The following BID variants were observed in gnomAD, a reference collection of about 807,000 sequenced individuals.
BID encodes the protein BH3 interacting domain death agonist, also known as BH3-interacting domain death agonist.
Under a neutral mutation model 17.4 loss-of-function variants are expected in BID, and 19 were observed. The ratio of observed to expected loss-of-function variants is 1.09; its 90% CI spans 0.76 to 1.60. The LOEUF (loss-of-function observed/expected upper bound fraction) is 1.60, where lower values mean the gene tolerates loss of function less well. Among genes scored for constraint, BID ranks in the 40% most tolerant of loss-of-function variants. The probability of loss-of-function intolerance (pLI) is 0.00; values close to 1 mark genes in which losing one functional copy is unlikely to be tolerated. For synonymous variants in BID, 108 were observed against 102.8 expected (o/e 1.05, Z -0.31); for missense variants, 226 against 256.0 (o/e 0.88, Z 0.80).
intron 1 of BID, among the ~76,000 whole-genome samples, chr22:17,759,231 A>C (rs1008437861): frequency 1.6e-5 from 2 of 123,416 alleles, no homozygotes; most frequent in African/African-American, 7.0e-5. Flanking sequence ...CTCCGTCTCA[A>C]AACAAAAAAC....
intron 1 of BID, among the ~76,000 whole-genome samples, chr22:17,768,656 G>A (rs1257482275): frequency 1.3e-5 from 2 of 152,156 alleles, no homozygotes; most frequent in Non-Finnish European, 2.9e-5. Context: ...GGTGGATCAC[G>A]AGGTCAGGAG....
At chr22:17,745,296 G>A (rs1002694746) in intron 2 of BID, among the ~76,000 whole-genome samples, 6 of 151,794 alleles carry the variant, frequency 4.0e-5, no homozygotes, top group African/African-American at 1.2e-4. Context: ...TGATCCGCCC[G>A]CCCCCCAACT....
intron 2 of BID, among the ~76,000 whole-genome samples, chr22:17,744,727 C>T (rs1012792937): frequency 2.0e-5 from 3 of 152,112 alleles, no homozygotes; most frequent in South Asian, 4.1e-4. Context: ...GCATCTGTGC[C>T]GCCAGAGATG....
chr22:17,762,278 C>A (rs969236791), intron 1 of BID, among the ~76,000 whole-genome samples: 1 of 152,152 alleles, frequency 6.6e-6, no homozygotes. Context: ...GGGTGGATCA[C>A]CTGAGGTCAG....
At chr22:17,747,702 C>T (rs150625275) in intron 2 of BID, among the ~76,000 whole-genome samples, 1 of 152,270 alleles carries the variant, frequency 6.6e-6, no homozygotes, top group East Asian at 1.9e-4. Context: ...GAGAAACGAT[C>T]AAGACAGTAA....
At chr22:17,761,432 T>G (rs1302353123) in intron 1 of BID, among the ~76,000 whole-genome samples, 41 of 71,816 alleles carry the variant, frequency 5.7e-4, no homozygotes, top group Non-Finnish European at 1.1e-3. Flanking sequence ...TCTTTCACTT[T>G]TTTTTTTTTT....
Position 17,761,915 on chromosome 22 carries a change from C to A in BID, c.-58-11741G>T, listed in dbSNP as rs1332628820. Among the ~76,000 whole-genome samples the A allele has an allele frequency of 1.8e-4, 27 of 152,096 alleles. No individual in the cohort carries two copies. The East Asian group carries it at 4.6e-3, about 26-fold the overall frequency. ...TCACTATGTTTTTTGTCATTTTTAC[C>A]ATATTCTGGAAAACACTGGTAAATC... On this transcript the variant is annotated intron_variant, in intron 1 of 5. Transcript: ENST00000622694.
At chr22:17,738,593 G>A (rs942590771) in intron 4 of BID, among the ~76,000 whole-genome samples, 3 of 152,144 alleles carry the variant, frequency 2.0e-5, no homozygotes, top group African/African-American at 7.2e-5. Context: ...TGGACAGGAG[G>A]AAGGGGGTTC....
At chr22:17,763,297 G>A (rs1010028871) in intron 1 of BID, among the ~76,000 whole-genome samples, 1 of 150,662 alleles carries the variant, frequency 6.6e-6, no homozygotes, top group Non-Finnish European at 1.5e-5. Context: ...AGGCTGGAGT[G>A]CAGTGGCACA....
intron 1 of BID, among the ~76,000 whole-genome samples, chr22:17,757,177 G>A (rs2061597322): frequency 6.6e-6 from 1 of 152,032 alleles, no homozygotes; most frequent in African/African-American, 2.4e-5. Context: ...CACTTTGGGA[G>A]GCCAGGGCAG....
chr22:17,738,308 G>T, intron 4 of BID, 79 bp from the exon 5 acceptor site: 1 of 1,329,350 alleles, frequency 7.5e-7, no homozygotes, highest in Non-Finnish European at 1.1e-6. Flanking sequence ...GTATGAAGAA[G>T]CACTTCAAAG....
chr22:17,754,495 C>T (rs2145898955), intron 1 of BID, among the ~76,000 whole-genome samples: 1 of 152,364 alleles, frequency 6.6e-6, no homozygotes, highest in East Asian at 1.9e-4. Context: ...CAGATGCCAG[C>T]TTTGCTTCTG....
At chr22:17,747,981 CG>C (rs1569042497) in intron 2 of BID, among the ~76,000 whole-genome samples, 1 of 151,728 alleles carries the variant, frequency 6.6e-6, no homozygotes, top group African/African-American at 2.4e-5. Flanking sequence ...GAGGCCGAGG[CG>C]GGCAGATCGC....
At chr22:17,740,140 T>C in intron 3 of BID, 1 of 1,612,356 alleles carries the variant, frequency 6.2e-7, no homozygotes, top group Admixed American at 1.7e-5. Context: ...CGCCTCCGTT[T>C]CTTCCTCAGC....
chr22:17,735,701 T>TCTCCA lies in BID; in HGVS notation c.577-115_577-111dup, dbSNP rs8190352. 1.2e-3 allele frequency: 1,537 copies of TCTCCA among 1,327,212 alleles called. 21 individuals are homozygous for TCTCCA. In the African/African-American group the frequency reaches 0.021, roughly 18 times the overall value. The allele number at this position is 1,327,212 out of a possible 1,614,324, so 82.2% of individuals were successfully genotyped here. A position where few individuals can be genotyped will look rare whatever the true frequency, so the allele number is the denominator to read the frequency against. ...AGCTGGGGTTTATGCAAAAACATGTTCTCCAGACCCCTGAAGTCCTATCCG... is the reference window on the plus strand; with the variant it reads ...AGCTGGGGTTTATGCAAAAACATGTTCTCCACTCCAGACCCCTGAAGTCCTATCCG... On this transcript the variant is annotated intron_variant, in intron 5 of 5. Transcript: ENST00000622694.
At chr22:17,741,341 GCC>G (rs1392218074) in intron 3 of BID, 2 of 152,208 alleles carry the variant, frequency 1.3e-5, no homozygotes, top group Non-Finnish European at 2.9e-5. Context: ...CAGTAAGGCT[GCC>G]ACATCACTTC....
intron 2 of BID, among the ~76,000 whole-genome samples, chr22:17,749,152 G>C (rs1039066599): frequency 6.6e-6 from 1 of 152,216 alleles, no homozygotes; most frequent in Non-Finnish European, 1.5e-5. Flanking sequence ...CCAGGACAGC[G>C]TGAGGCGCCC....
In BID at chr22:17,737,986, C is replaced by T. The variant is rs754672801; in HGVS notation, c.576+31G>A. ...CAGAGAAAAGGGCATGGGCGGCAGG[C>T]AGGGAAGGAGCTGACCTCAAGGGTT... On this transcript the variant is annotated intron_variant, in intron 5 of 5. Coordinates refer to ENST00000622694, the MANE Select transcript of BID (RefSeq NM_001196.4). 1.9e-6 allele frequency: 3 copies of T among 1,609,088 alleles called. No individual in the cohort carries two copies. In the South Asian group the frequency reaches 3.3e-5, roughly 18 times the overall value.
intron 2 of BID, among the ~76,000 whole-genome samples, chr22:17,748,965 T>C (rs1161499045): frequency 6.6e-6 from 1 of 152,194 alleles, no homozygotes; most frequent in Non-Finnish European, 1.5e-5. Flanking sequence ...CTCGAGCCAC[T>C]GCCTCAGCCC....
Sources: gnomAD v4.1 joint callset for allele counts (sites outside exome capture counted in the v4.1 genomes callset) on GRCh38, gnomAD v4.1.1 for gene constraint, MANE v1.5 for transcripts, NCBI Gene and HGNC (gene_info 2026-07-23, HGNC 2026-07-21) for gene names.